Variants in MAGI2 observed in about 807,000 individuals in gnomAD.
The protein encoded by MAGI2 is membrane-associated guanylate kinase, WW and PDZ domain-containing protein 2.
Under a neutral mutation model 133.3 loss-of-function variants are expected in MAGI2, and 35 were observed. That is an observed-to-expected ratio of 0.26 (90% CI 0.20 to 0.35). MAGI2 has a LOEUF of 0.35. Ranked by LOEUF, MAGI2 falls within the 10% of genes least tolerant of loss-of-function variation. The probability of loss-of-function intolerance (pLI) is 1.00; values close to 1 mark genes in which losing one functional copy is unlikely to be tolerated. For missense variants in MAGI2, 1,636 were observed against 1,863.4 expected (o/e 0.88, Z 2.25); for synonymous variants, 729 against 710.6 (o/e 1.03, Z -0.41).
chr7:79,035,873 C>A (rs1446560206), intron 1 of MAGI2, among the ~76,000 whole-genome samples: 1 of 152,160 alleles, frequency 6.6e-6, no homozygotes, highest in Non-Finnish European at 1.5e-5. Flanking sequence ...GTATACTTTT[C>A]ATTAATTTTG....
At chr7:78,370,085 G>A (rs1225865523) in intron 6 of MAGI2, among the ~76,000 whole-genome samples, 2 of 151,932 alleles carry the variant, frequency 1.3e-5, no homozygotes, top group African/African-American at 4.8e-5. Context: ...AGTTTAAAAA[G>A]TTTTATTATT....
At chr7:79,236,632 A>G (rs1026453372) in intron 1 of MAGI2, among the ~76,000 whole-genome samples, 7 of 152,220 alleles carry the variant, frequency 4.6e-5, no homozygotes, top group African/African-American at 1.7e-4. Context: ...AAATGAAACT[A>G]TCGAACTAGA....
intron 2 of MAGI2, among the ~76,000 whole-genome samples, chr7:78,952,530 G>T (rs569399034): frequency 5.9e-5 from 9 of 152,048 alleles, no homozygotes; most frequent in Non-Finnish European, 1.3e-4. Flanking sequence ...CCCATTCAGC[G>T]TTCCATAAAA....
In MAGI2 at chr7:78,384,290, A is replaced by G. The variant is rs138751322; in HGVS notation, c.1046-15077T>C. 5.4e-3 allele frequency among the ~76,000 whole-genome samples: 817 copies of G among 152,288 alleles called. 13 individuals carry two copies. Among genetic ancestry groups the G allele is most frequent in the African/African-American group, 0.012 (492 of 41,574 alleles). ...TTTATTGATAACCTACTATGAGCTAAGCACTGTGCTGGGCCCGAGGTTAGA... is the reference window on the plus strand; with the variant it reads ...TTTATTGATAACCTACTATGAGCTAGGCACTGTGCTGGGCCCGAGGTTAGA... On this transcript the variant is annotated intron_variant, in intron 6 of 21. Transcript: ENST00000354212.
chr7:78,775,430 G>C (rs1312877474), intron 2 of MAGI2, among the ~76,000 whole-genome samples: 2 of 147,290 alleles, frequency 1.4e-5, no homozygotes, highest in Admixed American at 6.8e-5. Flanking sequence ...TACATAGAGA[G>C]TTCTATACAT....
chr7:79,339,154 C>T (rs970188747), intron 1 of MAGI2, among the ~76,000 whole-genome samples: 60 of 152,070 alleles, frequency 3.9e-4, no homozygotes, highest in African/African-American at 1.3e-3. Context: ...ATATTCACCT[C>T]ATTACTCTAT....
chr7:78,112,678 C>T (rs1396387972), intron 20 of MAGI2, among the ~76,000 whole-genome samples: 4 of 152,184 alleles, frequency 2.6e-5, no homozygotes, highest in Non-Finnish European at 5.9e-5. Flanking sequence ...CTTCTGTTCA[C>T]GTATGCATTC....
intron 2 of MAGI2, among the ~76,000 whole-genome samples, chr7:78,991,912 A>G (rs1464905423): frequency 6.6e-6 from 1 of 152,052 alleles, no homozygotes. Flanking sequence ...GATTGCCACA[A>G]TATTTTTCCT....
chr7:78,756,816 G>A (rs1402953591), intron 2 of MAGI2, among the ~76,000 whole-genome samples: 1 of 151,994 alleles, frequency 6.6e-6, no homozygotes, highest in African/African-American at 2.4e-5. Context: ...TCACTTTAAC[G>A]TATTCACCTT....
At chr7:78,122,726 T>C (rs910335111) in intron 20 of MAGI2, among the ~76,000 whole-genome samples, 2 of 152,246 alleles carry the variant, frequency 1.3e-5, no homozygotes, top group African/African-American at 4.8e-5. Context: ...TCTTTTAACT[T>C]GACTCTCAGA....
At position 79,178,883 on chromosome 7, in the gene MAGI2, A is replaced by C. The variant is rs531650567; in HGVS notation, c.302-171677T>G. The stretch of plus-strand genomic sequence containing the variant: ...TTTGCCATAAGTTCTGCTCAACACA[A>C]GATAAATCATTGTCTTTTTTATTAT... On this transcript the variant is annotated intron_variant, in intron 1 of 21. Coordinates refer to ENST00000354212, the MANE Select transcript of MAGI2 (RefSeq NM_012301.4). Among the ~76,000 whole-genome samples, 66 of 152,166 alleles carry C rather than the reference A, an allele frequency of 4.3e-4. 1 individual carries two copies. The highest frequency in any genetic ancestry group is 1.5e-3 in the African/African-American group (62 of 41,456).
At chr7:79,273,258 C>A (rs1297608152) in intron 1 of MAGI2, among the ~76,000 whole-genome samples, 2 of 151,868 alleles carry the variant, frequency 1.3e-5, no homozygotes, top group Non-Finnish European at 2.9e-5. Flanking sequence ...GTTTTGAAGG[C>A]TGCAATACCT....
At chr7:78,765,312 G>T (rs1011387622) in intron 2 of MAGI2, among the ~76,000 whole-genome samples, 2 of 140,976 alleles carry the variant, frequency 1.4e-5, no homozygotes, top group South Asian at 2.4e-4. Context: ...TATTCATTCA[G>T]TCAGTCATTT....
chr7:79,077,592 AAAATAAAT>A (rs1160161708), intron 1 of MAGI2, among the ~76,000 whole-genome samples: 1 of 126,988 alleles, frequency 7.9e-6, no homozygotes, highest in African/African-American at 3.0e-5. Context: ...AAAAAAAAAA[AAAATAAAT>A]AAATAAATAA....
chr7:79,155,022 A>G (rs1156961408), intron 1 of MAGI2, among the ~76,000 whole-genome samples: 1 of 152,156 alleles, frequency 6.6e-6, no homozygotes, highest in Non-Finnish European at 1.5e-5. Context: ...TTGACAGTCC[A>G]TAATATGTTC....
chr7:78,837,222 A>C (rs897415009), intron 2 of MAGI2, among the ~76,000 whole-genome samples: 5 of 152,162 alleles, frequency 3.3e-5, no homozygotes, highest in Admixed American at 6.6e-5. Flanking sequence ...AATGAAACAC[A>C]TCTTACTAAT....
intron 5 of MAGI2, among the ~76,000 whole-genome samples, chr7:78,497,766 T>TCTATCTGTCTATCTATCTA (rs1385517709): frequency 5.2e-5 from 7 of 135,312 alleles, no homozygotes; most frequent in African/African-American, 1.9e-4. Context: ...CTATCTATCT[T>TCTATCTGTCTATCTATCTA]TCTATCTTAT....
At chr7:78,668,809 T>C (rs1292469685) in intron 2 of MAGI2, among the ~76,000 whole-genome samples, 1 of 147,730 alleles carries the variant, frequency 6.8e-6, no homozygotes, top group African/African-American at 2.5e-5. Flanking sequence ...AACAACCTGC[T>C]CCTGAATGAC....
intron 2 of MAGI2, among the ~76,000 whole-genome samples, chr7:78,749,787 G>A (rs547961112): frequency 5.9e-5 from 9 of 152,300 alleles, no homozygotes; most frequent in African/African-American, 1.9e-4. Context: ...AAAGGGAAGA[G>A]AGAGAGGAAG....
Sources: gnomAD v4.1 joint callset for allele counts (sites outside exome capture counted in the v4.1 genomes callset) on GRCh38, gnomAD v4.1.1 for gene constraint, MANE v1.5 for transcripts, NCBI Gene and HGNC (gene_info 2026-07-23, HGNC 2026-07-21) for gene names.